The following DOCK3 variants were observed in gnomAD, a reference collection of about 807,000 sequenced individuals.
DOCK3 encodes dedicator of cytokinesis 3, also known as dedicator of cytokinesis protein 3.
Under a neutral mutation model 265.6 loss-of-function variants are expected in DOCK3, and 60 were observed. The ratio of observed to expected loss-of-function variants is 0.23; its 90% CI spans 0.18 to 0.28. DOCK3 has a LOEUF of 0.28. Among genes scored for constraint, DOCK3 ranks in the 10% least tolerant of loss-of-function variants. The pLI is 1.00. For missense variants in DOCK3, 1,981 were observed against 2,594.3 expected (o/e 0.76, Z 5.14); for synonymous variants, 881 against 938.0 (o/e 0.94, Z 1.11).
At chr3:50,991,324 C>T (rs1221553285) in intron 5 of DOCK3, among the ~76,000 whole-genome samples, 1 of 152,090 alleles carries the variant, frequency 6.6e-6, no homozygotes, top group Non-Finnish European at 1.5e-5. Flanking sequence ...AAAGCAAGAC[C>T]CAATGGTATG....
intron 12 of DOCK3, among the ~76,000 whole-genome samples, chr3:51,175,148 G>A (rs72948200): frequency 6.6e-5 from 10 of 152,286 alleles, no homozygotes; most frequent in East Asian, 1.9e-4. Context: ...CTGCTTCAGG[G>A]ACCAAGGTCT....
chr3:50,825,405 C>T (rs1292023766), intron 2 of DOCK3, among the ~76,000 whole-genome samples: 1 of 152,158 alleles, frequency 6.6e-6, no homozygotes, highest in East Asian at 1.9e-4. Context: ...GGCATAATGA[C>T]TTTTAGCACC....
At chr3:50,677,542 T>C (rs1251496351) in intron 1 of DOCK3, among the ~76,000 whole-genome samples, 1 of 152,258 alleles carries the variant, frequency 6.6e-6, no homozygotes, top group Non-Finnish European at 1.5e-5. Context: ...TTTTTATGAC[T>C]AACTTGGAGC....
At chr3:51,365,820 C>A (rs2087110791) in intron 49 of DOCK3, among the ~76,000 whole-genome samples, 1 of 152,248 alleles carries the variant, frequency 6.6e-6, no homozygotes, top group African/African-American at 2.4e-5. Context: ...ACCAGCCTTG[C>A]ATCCCAGGGA....
At chr3:51,182,909 C>T (rs1032588597) in intron 12 of DOCK3, among the ~76,000 whole-genome samples, 2 of 152,174 alleles carry the variant, frequency 1.3e-5, no homozygotes, top group African/African-American at 2.4e-5. Context: ...TGGTGGTGTA[C>T]CTTCAGTGAG....
chr3:51,139,188 G>T (rs1041861857), intron 9 of DOCK3, among the ~76,000 whole-genome samples: 3 of 151,142 alleles, frequency 2.0e-5, no homozygotes, highest in African/African-American at 7.3e-5. Flanking sequence ...CCTAGAAATT[G>T]CACACATCAC....
chr3:51,337,642 C>T (rs1489516396), intron 35 of DOCK3, among the ~76,000 whole-genome samples: 1 of 152,204 alleles, frequency 6.6e-6, no homozygotes, highest in Middle Eastern at 3.2e-3. Context: ...CCTTCATCTC[C>T]TTGTGCCAGG....
At chr3:50,989,025 A>G (rs1041000088) in intron 5 of DOCK3, among the ~76,000 whole-genome samples, 4 of 152,242 alleles carry the variant, frequency 2.6e-5, no homozygotes, top group South Asian at 4.1e-4. Flanking sequence ...CACACCTGCT[A>G]CAAGCTGCAG....
chr3:51,106,187 A>T (rs2083272616), intron 9 of DOCK3, among the ~76,000 whole-genome samples: 1 of 152,148 alleles, frequency 6.6e-6, no homozygotes, highest in African/African-American at 2.4e-5. Context: ...GGCCCATGAG[A>T]TAGAGCCGGG....
At chr3:51,266,756 C>T (rs1024607843) in intron 23 of DOCK3, among the ~76,000 whole-genome samples, 30 of 152,310 alleles carry the variant, frequency 2.0e-4, no homozygotes, top group African/African-American at 7.0e-4. Context: ...CCATTCAGGA[C>T]ATAGGCATAG....
chr3:51,210,963 G>A (rs2089466338), intron 13 of DOCK3, among the ~76,000 whole-genome samples: 1 of 152,210 alleles, frequency 6.6e-6, no homozygotes, highest in African/African-American at 2.4e-5. Context: ...GTTGGCCTTG[G>A]ATATGTAGCT....
chr3:51,212,857 C>A (rs896919504), intron 13 of DOCK3, among the ~76,000 whole-genome samples: 1 of 151,894 alleles, frequency 6.6e-6, no homozygotes, highest in Non-Finnish European at 1.5e-5. Context: ...CTTGAGATAC[C>A]ATGTTTGTAA....
At chr3:51,277,474 A>C in intron 25 of DOCK3, 134 bp from the exon 26 acceptor site, 1 of 1,195,216 alleles carries the variant, frequency 8.4e-7, no homozygotes, top group Non-Finnish European at 1.1e-6. Context: ...TTGACACTGC[A>C]TGTTGGTGAG....
At chr3:51,335,646 C>A (rs1458346935) in intron 35 of DOCK3, among the ~76,000 whole-genome samples, 1 of 152,192 alleles carries the variant, frequency 6.6e-6, no homozygotes, top group Non-Finnish European at 1.5e-5. Flanking sequence ...ATGCAGGAAC[C>A]AAGCAACTCT....
chr3:51,005,507 GT>G (rs1490474857), intron 5 of DOCK3, among the ~76,000 whole-genome samples: 11 of 152,218 alleles, frequency 7.2e-5, no homozygotes, highest in African/African-American at 2.6e-4. Flanking sequence ...CTGTTTTGAT[GT>G]CTAATAAGCA....
chr3:50,765,949 G>A (rs535724894), intron 1 of DOCK3, among the ~76,000 whole-genome samples: 141 of 151,640 alleles, frequency 9.3e-4, no homozygotes, highest in African/African-American at 3.1e-3. Flanking sequence ...CCCTGTCTCT[G>A]GTAACCGCGG....
In DOCK3 at chr3:50,872,550, A is replaced by G. The variant is rs142983714; in HGVS notation, c.163-17476A>G. On this transcript the variant is annotated intron_variant, in intron 3 of 52. Coordinates refer to ENST00000266037, the MANE Select transcript of DOCK3 (RefSeq NM_004947.5). ...TGTAACCACTCCCGGGCTACCATAT[A>G]TGTCTGTTCAAGGCCCTGGAGCTCT... is the stretch of plus-strand genomic sequence containing the variant. Among the ~76,000 whole-genome samples, 353 of 152,262 alleles carry G rather than the reference A, an allele frequency of 2.3e-3. 1 individual carries two copies. Among genetic ancestry groups the G allele is most frequent in the Admixed American group, 9.0e-3 (137 of 15,306 alleles).
At chr3:50,711,390 T>C (rs894964600) in intron 1 of DOCK3, among the ~76,000 whole-genome samples, 1 of 151,674 alleles carries the variant, frequency 6.6e-6, no homozygotes, top group African/African-American at 2.4e-5. Context: ...GCCTCCCGAG[T>C]AGCTGGGACT....
intron 32 of DOCK3, among the ~76,000 whole-genome samples, chr3:51,316,113 C>T (rs2083348991): frequency 6.6e-6 from 1 of 152,182 alleles, no homozygotes; most frequent in Admixed American, 6.5e-5. Flanking sequence ...TTTTTGAATA[C>T]TTAAAAATTC....
Sources: gnomAD v4.1 joint callset for allele counts (sites outside exome capture counted in the v4.1 genomes callset) on GRCh38, gnomAD v4.1.1 for gene constraint, MANE v1.5 for transcripts, NCBI Gene and HGNC (gene_info 2026-07-23, HGNC 2026-07-21) for gene names.